The following GRID2 variants were observed in gnomAD, a reference collection of about 807,000 sequenced individuals.
GRID2 encodes glutamate receptor ionotropic, delta-2.
In GRID2, 33 loss-of-function variants were observed where a neutral mutation model predicts 114.8. The ratio of observed to expected loss-of-function variants is 0.29; its 90% confidence interval spans 0.22 to 0.38. The LOEUF is 0.38. Ranked by LOEUF, GRID2 falls within the 10% of genes least tolerant of loss-of-function variation. The pLI, the probability that GRID2 is intolerant of heterozygous loss-of-function variation, is 1.00. For synonymous variants in GRID2, 505 were observed against 449.9 expected, an observed-to-expected ratio of 1.12 and a Z score of -1.55; for missense variants, 1,184 against 1,257.7, an observed-to-expected ratio of 0.94 and a Z score of 0.89.
In GRID2 at chr4:93,176,783, C is replaced by T. The variant is rs1412178908; in HGVS notation, c.736-30621C>T. On this transcript the variant is annotated intron_variant, in intron 4 of 15. Transcript: ENST00000282020. Reference sequence around the variant, plus strand: ...GAAGTCCAGTTTAACACAGAATTCTCAGCCGTATTTTACCTTTGCCTCTAT... The same window carrying T: ...GAAGTCCAGTTTAACACAGAATTCTTAGCCGTATTTTACCTTTGCCTCTAT... Among the ~76,000 whole-genome samples, 5 of 152,300 alleles carry T rather than the reference C, an allele frequency of 3.3e-5. No individual in the cohort carries two copies. In the East Asian group the frequency reaches 9.6e-4, roughly 29 times the overall value.
chr4:93,594,786 G>A (rs1216505003), intron 13 of GRID2, among the ~76,000 whole-genome samples: 3 of 151,334 alleles, frequency 2.0e-5, no homozygotes, highest in South Asian at 2.1e-4. Context: ...TCGGAAAAGC[G>A]CAGTATTCGG....
chr4:93,077,510 C>G (rs945432210), intron 2 of GRID2, among the ~76,000 whole-genome samples: 4 of 151,934 alleles, frequency 2.6e-5, no homozygotes, highest in African/African-American at 9.7e-5. Context: ...TTATAAGGAA[C>G]AATAATTTTA....
intron 1 of GRID2, among the ~76,000 whole-genome samples, chr4:92,330,352 A>C (rs1400708850): frequency 6.6e-6 from 1 of 152,124 alleles, no homozygotes; most frequent in Non-Finnish European, 1.5e-5. Context: ...TGACAGCAGT[A>C]ACCAGAATCT....
intron 2 of GRID2, chr4:92,702,390 G>T (rs1333245081): frequency 6.6e-6 from 1 of 151,462 alleles, no homozygotes; most frequent in Admixed American, 6.6e-5. Flanking sequence ...TCTGGCTGCC[G>T]TAACATTCCC....
intron 13 of GRID2, among the ~76,000 whole-genome samples, chr4:93,560,242 A>AAAAAAAAAAAC: frequency 6.7e-6 from 1 of 150,352 alleles, no homozygotes; most frequent in Non-Finnish European, 1.5e-5. Context: ...AAAAAAAAAA[A>AAAAAAAAAAAC]AAAAAAAAAA....
intron 14 of GRID2, among the ~76,000 whole-genome samples, chr4:93,648,310 T>TA (rs1342390722): frequency 6.6e-6 from 1 of 151,660 alleles, no homozygotes; most frequent in Non-Finnish European, 1.5e-5. Context: ...GATTTATCAA[T>TA]AAAAAGTAAC....
At chr4:93,436,308 C>G (rs999818534) in intron 10 of GRID2, among the ~76,000 whole-genome samples, 2 of 152,030 alleles carry the variant, frequency 1.3e-5, no homozygotes, top group African/African-American at 4.8e-5. Flanking sequence ...TTATCTATCC[C>G]AACATAAACA....
At chr4:93,484,290 A>G (rs1273596493) in intron 11 of GRID2, among the ~76,000 whole-genome samples, 1 of 151,856 alleles carries the variant, frequency 6.6e-6, no homozygotes, top group Non-Finnish European at 1.5e-5. Flanking sequence ...AAAGGTAACC[A>G]TCCATGGGAT....
chr4:93,627,699 AT>A (rs2149692297), intron 14 of GRID2, among the ~76,000 whole-genome samples: 1 of 152,336 alleles, frequency 6.6e-6, no homozygotes, highest in South Asian at 2.1e-4. Flanking sequence ...TGCTGTTCTC[AT>A]TGCAAAGAGC....
At chr4:92,639,010 A>G (rs1041776175) in intron 2 of GRID2, among the ~76,000 whole-genome samples, 3 of 151,252 alleles carry the variant, frequency 2.0e-5, no homozygotes, top group Admixed American at 2.0e-4. Flanking sequence ...CGCATAATTT[A>G]TTTCACTTTC....
rs77515628 is a variant in GRID2 at position 92,580,255 on chromosome 4, G to C, written c.89-9876G>C. 6.5e-4 allele frequency among the ~76,000 whole-genome samples: 99 copies of C among 151,282 alleles called. 1 individual carries two copies. In the East Asian group the frequency reaches 0.017, roughly 26 times the overall value. Reference sequence around the variant, plus strand: ...CTGGAAATATCTGTATATTTTATAGGACATATTGGAAAAATAATCAGTGGA... The same window carrying C: ...CTGGAAATATCTGTATATTTTATAGCACATATTGGAAAAATAATCAGTGGA... On this transcript the variant is annotated intron_variant, in intron 1 of 15. Coordinates refer to ENST00000282020, the MANE Select transcript of GRID2 (RefSeq NM_001510.4).
At chr4:92,713,396 G>A (rs1015698264) in intron 2 of GRID2, among the ~76,000 whole-genome samples, 2 of 148,610 alleles carry the variant, frequency 1.3e-5, no homozygotes, top group Admixed American at 1.3e-4. Flanking sequence ...TTCTCTCTCT[G>A]AGTGGGTTAT....
At chr4:93,554,924 G>A (rs1472818277) in intron 13 of GRID2, among the ~76,000 whole-genome samples, 4 of 152,244 alleles carry the variant, frequency 2.6e-5, no homozygotes, top group African/African-American at 7.2e-5. Context: ...ATATCATTGG[G>A]ACTGGTTAGA....
In GRID2 at chr4:92,646,619, G is replaced by C. The variant is rs1731643049; in HGVS notation, c.244+56333G>C. On this transcript the variant is annotated intron_variant, in intron 2 of 15. Transcript: ENST00000282020. Reference sequence around the variant, plus strand: ...TTATTTTTTGTCTATGATGACTGCTGGGGCTAACAGTTTAATCCTTTTGAT... The same window carrying C: ...TTATTTTTTGTCTATGATGACTGCTCGGGCTAACAGTTTAATCCTTTTGAT... Among the ~76,000 whole-genome samples, 5 of 152,334 alleles carry C rather than the reference G, an allele frequency of 3.3e-5. No individual in the cohort carries two copies. In the South Asian group the frequency reaches 1.0e-3, roughly 32 times the overall value.
intron 1 of GRID2, among the ~76,000 whole-genome samples, chr4:92,401,464 A>C (rs1440054204): frequency 6.6e-6 from 1 of 152,196 alleles, no homozygotes; most frequent in Non-Finnish European, 1.5e-5. Flanking sequence ...GTGCAGTCAT[A>C]CATCAGAGAT....
At chr4:93,252,404 T>C (rs1288746456) in intron 8 of GRID2, among the ~76,000 whole-genome samples, 2 of 150,788 alleles carry the variant, frequency 1.3e-5, no homozygotes, top group Non-Finnish European at 2.9e-5. Context: ...TTCTAGGTTC[T>C]CTATTCTGTT....
At chr4:93,508,168 A>T (rs1414223896) in intron 12 of GRID2, among the ~76,000 whole-genome samples, 3 of 151,302 alleles carry the variant, frequency 2.0e-5, no homozygotes, top group African/African-American at 7.3e-5. Context: ...ATAATAAAAT[A>T]AAAAAGTTTT....
intron 14 of GRID2, among the ~76,000 whole-genome samples, chr4:93,678,293 G>A (rs920898080): frequency 1.3e-5 from 2 of 152,150 alleles, no homozygotes; most frequent in African/African-American, 2.4e-5. Flanking sequence ...GACCAAATCT[G>A]CATCTGATTG....
At chr4:92,954,006 A>C (rs1296558995) in intron 2 of GRID2, among the ~76,000 whole-genome samples, 1 of 152,150 alleles carries the variant, frequency 6.6e-6, no homozygotes, top group Non-Finnish European at 1.5e-5. Context: ...AGAAGATTAC[A>C]TTCCATTATA....
Sources: allele counts gnomAD v4.1 joint callset (sites outside exome capture counted in the v4.1 genomes callset), GRCh38; gene constraint gnomAD v4.1.1; transcripts MANE v1.5; gene names NCBI Gene and HGNC (gene_info 2026-07-23, HGNC 2026-07-21).